RBM44: variants seen among roughly 807,000 people sequenced by gnomAD.
The protein encoded by RBM44 is RNA binding motif protein 44.
Under a neutral mutation model 105.1 loss-of-function variants are expected in RBM44, and 66 were observed. That is an observed-to-expected ratio of 0.63 (90% confidence interval 0.52 to 0.77). The LOEUF (loss-of-function observed/expected upper bound fraction) is 0.77. RBM44 is among the 30% of genes least tolerant of loss of function. The pLI is 0.00. For synonymous variants in RBM44, 365 were observed against 417.6 expected, an observed-to-expected ratio of 0.87 and a Z score of 1.54; for missense variants, 1,122 against 1,207.8, an observed-to-expected ratio of 0.93 and a Z score of 1.05.
chr2:237,818,497 C>T lies in RBM44; in HGVS notation c.1578C>T (p.Tyr526=). 1.9e-6 allele frequency: 3 copies of T among 1,611,880 alleles called. No individual in the cohort carries two copies. Among genetic ancestry groups the T allele is most frequent in the Admixed American group, 1.7e-5 (1 of 59,660 alleles). The change falls in exon 3 of 16, where the codon TAC becomes TAT. Residue 526 remains tyrosine (Y), a synonymous_variant. Coordinates refer to ENST00000316997, the MANE Select transcript of RBM44 (RefSeq NM_001080504.3). This position sits in a 1 kb window ranked among gnomAD's most constrained non-coding sequence, Gnocchi z 4.6. ...KSVACSTDWS[Y]SEDCIDTQMA... is the part of the protein sequence containing the mutation. Reference sequence around the variant, plus strand: ...TGGCTTGTAGTACAGATTGGTCATACAGTGAAGATTGTATAGATACACAGA... The same window carrying T: ...TGGCTTGTAGTACAGATTGGTCATATAGTGAAGATTGTATAGATACACAGA...
chr2:237,821,230 T>C lies in RBM44; in HGVS notation c.2073T>C (p.Ser691=). The C allele has an allele frequency of 1.2e-6, 2 of 1,603,626 alleles. No individual in the cohort carries two copies. The highest frequency in any genetic ancestry group is 1.7e-6 in the Non-Finnish European group (2 of 1,174,616). Residue 691 remains serine (S), a synonymous_variant, in exon 6 of 16, where the codon TCT becomes TCC. Transcript: ENST00000316997. ...PPLSLESKLL[S]TFSTFASRLM... is the part of the protein sequence containing the mutation. ...TGTCACTAGAATCAAAATTATTATCTACCTTCTCTACTTTTGCTTCCAGGG... is the reference window on the plus strand; with the variant it reads ...TGTCACTAGAATCAAAATTATTATCCACCTTCTCTACTTTTGCTTCCAGGG...
At chr2:237,830,338 T>C (rs74272435) in intron 13 of RBM44, among the ~76,000 whole-genome samples, 2,869 of 152,326 alleles carry the variant, frequency 0.019, 42 homozygotes, top group East Asian at 0.056. Flanking sequence ...TTTTTTAATA[T>C]TCTGATTTTA....
chr2:237,821,107 A>G lies in RBM44; in HGVS notation c.1950A>G (p.Gly650=). ...LSSNSAKKEL[G]SALLSLLGDL... ...GTAATTCTGCTAAGAAGGAATTGGG[A>G]TCAGCACTACTGTCTCTTTTGGGGG... Residue 650 remains glycine (G), a synonymous_variant, in exon 6 of 16, where the codon GGA becomes GGG. Transcript: ENST00000316997. 6.3e-7 allele frequency: 1 copy of G among 1,590,402 alleles called. No individual in the cohort carries two copies.
At chr2:237,819,681 C>T (rs1329419627) in intron 4 of RBM44, among the ~76,000 whole-genome samples, 3 of 151,854 alleles carry the variant, frequency 2.0e-5, no homozygotes, top group African/African-American at 7.2e-5. Context: ...AATAGTACAG[C>T]AAAATATTTG....
chr2:237,821,035 A>C, intron 5 of RBM44, 36 bp from the exon 6 acceptor site: 1 of 1,494,704 alleles, frequency 6.7e-7, no homozygotes, highest in African/African-American at 1.4e-5. Context: ...ACTTAGGCCT[A>C]AATAATTTAG....
chr2:237,811,384 C>G (rs1374545735), intron 1 of RBM44, among the ~76,000 whole-genome samples: 2 of 152,096 alleles, frequency 1.3e-5, no homozygotes, highest in Admixed American at 6.5e-5. Flanking sequence ...TCGTCTCACC[C>G]CAACCTCCTG....
At position 237,823,543 on chromosome 2, in the gene RBM44, T is replaced by G; in HGVS notation, c.2309T>G (p.Leu770Arg). 1 of 1,458,408 alleles carries G rather than the reference T, an allele frequency of 6.9e-7. No homozygotes were observed. The highest frequency in any genetic ancestry group is 2.0e-5 in the Admixed American group (1 of 50,544). 90.3% of individuals were successfully genotyped at this position (1,458,408 alleles called of 1,614,324 possible). A position where few individuals can be genotyped will look rare whatever the true frequency, so the allele number is the denominator to read the frequency against. Reference protein sequence around the residue: ...DINADFSQLKLGDKDCRHYQE... With the variant: ...DINADFSQLKRGDKDCRHYQE... ...AATGCAGACTTTAGTCAACTGAAAC[T>G]TGGTGATAAAGGTTAGTATAAAAAT... The change falls in exon 9 of 16, where the codon CTT becomes CGT. Residue 770 changes from leucine (L) to arginine (R), a missense_variant. Leu to Arg is a moderately radical substitution (Grantham distance 102, BLOSUM62 -2). This residue lies in a region of RBM44 where 918 missense variants were observed against 955.3 expected (regional missense o/e 0.96). Coordinates refer to ENST00000316997, the MANE Select transcript of RBM44 (RefSeq NM_001080504.3).
At chr2:237,837,785 A>T (rs1482648061) in intron 15 of RBM44, among the ~76,000 whole-genome samples, 1 of 151,462 alleles carries the variant, frequency 6.6e-6, no homozygotes, top group Non-Finnish European at 1.5e-5. Flanking sequence ...CTGGAATTAC[A>T]GGTGTGAGCC....
At chr2:237,827,150 T>C (rs2061855787) in intron 10 of RBM44, 100 bp from the exon 11 acceptor site, 2 of 688,552 alleles carry the variant, frequency 2.9e-6, no homozygotes, top group Non-Finnish European at 5.0e-6. Flanking sequence ...AAACTCTGGG[T>C]TAGTAGAAAG....
chr2:237,816,318 C>T (rs1402539714), intron 2 of RBM44, among the ~76,000 whole-genome samples: 6 of 152,034 alleles, frequency 3.9e-5, no homozygotes, highest in Non-Finnish European at 8.8e-5. Context: ...GGACAGCATC[C>T]GTGTCTTCTT....
At chr2:237,836,311 T>A (rs1394617715) in intron 15 of RBM44, among the ~76,000 whole-genome samples, 2 of 152,002 alleles carry the variant, frequency 1.3e-5, no homozygotes, top group Non-Finnish European at 2.9e-5. Context: ...GTTTTTTGGG[T>A]TTTGTTCTTT....
chr2:237,840,380 A>G (rs115679548), intron 15 of RBM44, among the ~76,000 whole-genome samples: 2,303 of 152,248 alleles, frequency 0.015, 59 homozygotes, highest in African/African-American at 0.052. Flanking sequence ...GAAGACTGAA[A>G]CTAGACCCCT....
At chr2:237,827,660 T>A (rs1334648555) in intron 12 of RBM44, among the ~76,000 whole-genome samples, 157 bp downstream of exon 12, 1 of 152,138 alleles carries the variant, frequency 6.6e-6, no homozygotes, top group Non-Finnish European at 1.5e-5. Context: ...ATAGCTGCAA[T>A]CTTGAGTTGA....
At chr2:237,801,132 C>T (rs2061541875) in intron 1 of RBM44, among the ~76,000 whole-genome samples, 1 of 152,078 alleles carries the variant, frequency 6.6e-6, no homozygotes, top group African/African-American at 2.4e-5. Flanking sequence ...GCTAGGGGAC[C>T]ATCCTGGGCA....
At chr2:237,835,229 C>T (rs147049310) in intron 15 of RBM44, among the ~76,000 whole-genome samples, 8 of 152,276 alleles carry the variant, frequency 5.3e-5, no homozygotes, top group Non-Finnish European at 1.0e-4. Flanking sequence ...GCTGTTTCCC[C>T]ATCTCTTTCC....
chr2:237,814,902 C>G (rs887581669), intron 2 of RBM44, among the ~76,000 whole-genome samples: 4 of 151,934 alleles, frequency 2.6e-5, no homozygotes, highest in East Asian at 1.9e-4. Flanking sequence ...CCCCACCCCC[C>G]CCTACACACA....
intron 1 of RBM44, among the ~76,000 whole-genome samples, chr2:237,809,047 A>G (rs903945548): frequency 2.0e-5 from 3 of 152,228 alleles, no homozygotes; most frequent in Non-Finnish European, 4.4e-5. Context: ...AATTCTCATT[A>G]TATATGAATG....
chr2:237,808,650 A>G (rs1426619372), intron 1 of RBM44, among the ~76,000 whole-genome samples: 1 of 152,202 alleles, frequency 6.6e-6, no homozygotes, highest in African/African-American at 2.4e-5. Flanking sequence ...ATGGAAAAAT[A>G]CAGAAGCAAG....
At chr2:237,813,417 A>G (rs1166115012) in intron 1 of RBM44, among the ~76,000 whole-genome samples, 175 bp from the exon 2 acceptor site, 1 of 152,198 alleles carries the variant, frequency 6.6e-6, no homozygotes, top group Non-Finnish European at 1.5e-5. Flanking sequence ...GGGTGATATT[A>G]TGGTCTTTAA....
Sources: allele counts gnomAD v4.1 joint callset (sites outside exome capture counted in the v4.1 genomes callset), GRCh38; gene constraint gnomAD v4.1.1; regional missense constraint gnomAD v4.1.1; non-coding constraint Gnocchi (gnomAD v3.1); transcripts MANE v1.5; gene names NCBI Gene and HGNC (gene_info 2026-07-23, HGNC 2026-07-21).